KIAA0825: variants seen among roughly 807,000 people sequenced by gnomAD.
KIAA0825 encodes the protein uncharacterized protein KIAA0825.
KIAA0825 carries 119 observed loss-of-function variants against 147.6 expected under a neutral mutation model. That is an observed-to-expected ratio of 0.81 (90% CI 0.69 to 0.94). The LOEUF is 0.94. Ranked by LOEUF, KIAA0825 falls within the 40% of genes least tolerant of loss-of-function variation. The pLI is 0.00. For synonymous variants in KIAA0825, 470 were observed against 518.1 expected (o/e 0.91, Z 1.26); for missense variants, 1,381 against 1,472.7 (o/e 0.94, Z 1.02).
chr5:94,210,464 A>T (rs1328935681), intron 20 of KIAA0825, among the ~76,000 whole-genome samples: 1 of 152,168 alleles, frequency 6.6e-6, no homozygotes, highest in Non-Finnish European at 1.5e-5. Flanking sequence ...GTAACAGTGA[A>T]CTCATCAAAT....
chr5:94,575,558 T>G (rs1780855707), intron 2 of KIAA0825, among the ~76,000 whole-genome samples: 1 of 152,200 alleles, frequency 6.6e-6, no homozygotes, highest in Non-Finnish European at 1.5e-5. Flanking sequence ...AAAATCATGT[T>G]AAGAGGCAAA....
chr5:94,596,250 A>T (rs1332745722), intron 1 of KIAA0825, among the ~76,000 whole-genome samples: 1 of 152,096 alleles, frequency 6.6e-6, no homozygotes, highest in East Asian at 1.9e-4. Context: ...ATTTTAGTCG[A>T]TTTTTGTACA....
At chr5:94,244,028 T>C (rs759264931) in intron 20 of KIAA0825, among the ~76,000 whole-genome samples, 4 of 152,170 alleles carry the variant, frequency 2.6e-5, no homozygotes, top group Non-Finnish European at 5.9e-5. Flanking sequence ...TGGCCTGTCA[T>C]GGTGACCATG....
At chr5:94,471,858 G>T in intron 8 of KIAA0825, 127 bp from the exon 9 acceptor site, 1 of 818,048 alleles carries the variant, frequency 1.2e-6, no homozygotes, top group African/African-American at 1.7e-5. Context: ...ACGCAGCTTT[G>T]TAATAATCGA....
intron 4 of KIAA0825, among the ~76,000 whole-genome samples, chr5:94,522,822 T>C (rs894071398): frequency 6.6e-6 from 1 of 151,678 alleles, no homozygotes; most frequent in Non-Finnish European, 1.5e-5. Flanking sequence ...CTGCAGTGAA[T>C]AGAGAATGAC....
rs563162839 is a variant in KIAA0825, at chr5:94,301,842, GACTA to G, written c.3710+82522_3710+82525del. Among the ~76,000 whole-genome samples the G allele has an allele frequency of 3.7e-4, 57 of 152,166 alleles. No individual in the cohort carries two copies. The South Asian group carries it at 6.4e-3, about 17-fold the overall frequency. ...CATCTAATAGGTTTTCACAAAGAAA[GACTA>G]ACTAACATAAAACAGGTTTTGATTT... On this transcript the variant is annotated intron_variant, in intron 20 of 20. Transcript: ENST00000682413.
At chr5:94,231,798 A>C (rs1376325937) in intron 20 of KIAA0825, among the ~76,000 whole-genome samples, 1 of 152,154 alleles carries the variant, frequency 6.6e-6, no homozygotes, top group Non-Finnish European at 1.5e-5. Context: ...CAAATAATAT[A>C]TTTTGGGACA....
chr5:94,384,080 A>C (rs934691836), intron 20 of KIAA0825, among the ~76,000 whole-genome samples: 2 of 152,164 alleles, frequency 1.3e-5, no homozygotes, highest in African/African-American at 4.8e-5. Flanking sequence ...AAAATATTTA[A>C]AATTCAGTCT....
At chr5:94,485,934 A>G (rs1763003386) in intron 5 of KIAA0825, among the ~76,000 whole-genome samples, 1 of 151,838 alleles carries the variant, frequency 6.6e-6, no homozygotes, top group Admixed American at 6.6e-5. Flanking sequence ...GAACAATACA[A>G]CTTAAAGGTT....
chr5:94,541,261 C>T (rs1478699739), intron 2 of KIAA0825, among the ~76,000 whole-genome samples: 1 of 152,050 alleles, frequency 6.6e-6, no homozygotes, highest in African/African-American at 2.4e-5. Context: ...GTCCCAGGCT[C>T]CACACCTAGT....
At chr5:94,154,838 C>T (rs1032796568) in intron 20 of KIAA0825, among the ~76,000 whole-genome samples, 4 of 152,160 alleles carry the variant, frequency 2.6e-5, no homozygotes, top group African/African-American at 7.2e-5. Context: ...TCCTTCCTAT[C>T]CACTCTCTCC....
intron 20 of KIAA0825, among the ~76,000 whole-genome samples, chr5:94,305,743 A>G (rs1032674823): frequency 2.0e-5 from 3 of 151,926 alleles, no homozygotes; most frequent in African/African-American, 7.2e-5. Context: ...TGCCAAACTC[A>G]ATTAAAATTT....
intron 5 of KIAA0825, among the ~76,000 whole-genome samples, chr5:94,493,964 T>C (rs542083116): frequency 6.6e-6 from 1 of 152,242 alleles, no homozygotes; most frequent in South Asian, 2.1e-4. Flanking sequence ...ACAGGGAGGT[T>C]TTCTATTTCC....
chr5:94,219,589 C>T (rs1451758458), intron 20 of KIAA0825, among the ~76,000 whole-genome samples: 1 of 152,158 alleles, frequency 6.6e-6, no homozygotes, highest in African/African-American at 2.4e-5. Flanking sequence ...AGTGGACCTA[C>T]ACAAACCTAG....
intron 10 of KIAA0825, among the ~76,000 whole-genome samples, chr5:94,467,633 A>C (rs1040250080): frequency 2.6e-5 from 4 of 152,238 alleles, no homozygotes; most frequent in African/African-American, 9.6e-5. Context: ...AATGGAAATA[A>C]TGTATCTAGA....
intron 10 of KIAA0825, 142 bp downstream of exon 10, chr5:94,469,819 T>G (rs1760998751): frequency 1.3e-5 from 8 of 625,464 alleles, no homozygotes; most frequent in Non-Finnish European, 2.0e-5. Context: ...TTCCTAAGTA[T>G]GAATTCAATA....
intron 2 of KIAA0825, among the ~76,000 whole-genome samples, chr5:94,539,091 CA>C (rs1479041368): frequency 6.6e-6 from 1 of 152,126 alleles, no homozygotes; most frequent in African/African-American, 2.4e-5. Context: ...AAACAGCTTG[CA>C]ATAAAGAAGT....
At chr5:94,369,549 G>A (rs1464008606) in intron 20 of KIAA0825, among the ~76,000 whole-genome samples, 2 of 152,162 alleles carry the variant, frequency 1.3e-5, no homozygotes, top group Admixed American at 1.3e-4. Flanking sequence ...TGAGAGGATT[G>A]AGGCTAAGAA....
chr5:94,407,828 T>G lies in KIAA0825; in HGVS notation c.2663-4035A>C, dbSNP rs371564444. Among the ~76,000 whole-genome samples the G allele has an allele frequency of 1.4e-4, 22 of 152,274 alleles. No homozygotes were observed. In the South Asian group the frequency reaches 4.6e-3, roughly 32 times the overall value. ...TTTTTACACTTTAAAAGGATGAAAT[T>G]TATGGTATATAAATTATATCTCAGT... On this transcript the variant is annotated intron_variant, in intron 15 of 20. Coordinates refer to ENST00000682413, the MANE Select transcript of KIAA0825 (RefSeq NM_001145678.3).
Sources: allele counts gnomAD v4.1 joint callset (sites outside exome capture counted in the v4.1 genomes callset), GRCh38; gene constraint gnomAD v4.1.1; transcripts MANE v1.5; gene names NCBI Gene and HGNC (gene_info 2026-07-23, HGNC 2026-07-21).